HNRNPA2B1: variants seen among roughly 807,000 people sequenced by gnomAD.
HNRNPA2B1 encodes the protein heterogeneous nuclear ribonucleoproteins A2/B1.
Under a neutral mutation model 46.3 loss-of-function variants are expected in HNRNPA2B1, and 3 were observed. The observed-to-expected ratio is 0.06, with a 90% CI of 0.03 to 0.17. The LOEUF is 0.17. Among genes scored for constraint, HNRNPA2B1 ranks in the 10% least tolerant of loss-of-function variants. HNRNPA2B1 has a pLI of 1.00. For synonymous variants in HNRNPA2B1, 225 were observed against 133.8 expected (o/e 1.68, Z -4.70); for missense variants, 221 against 418.9 (o/e 0.53, Z 4.12).
Position 26,190,949 on chromosome 7 carries a change from GA to G in HNRNPA2B1, c.*1410del, listed in dbSNP as rs1249239209. 6.6e-6 allele frequency: 1 copy of G among 152,560 alleles called. No homozygotes were observed. The highest frequency in any genetic ancestry group is 2.4e-5 in the African/African-American group (1 of 41,424). 9.5% of individuals were successfully genotyped at this position (152,560 alleles called of 1,614,324 possible). A position where few individuals can be genotyped will look rare whatever the true frequency, so the allele number is the denominator to read the frequency against. On this transcript the variant is annotated 3_prime_UTR_variant, in exon 11 of 11. Coordinates refer to ENST00000618183, the MANE Select transcript of HNRNPA2B1 (RefSeq NM_002137.4). ...TGAATACACAAGGGTGTAACGATGG[GA>G]AATCTCATGATTTATTGAACTTGCA...
intron 9 of HNRNPA2B1, 24 bp from the exon 10 acceptor site, chr7:26,192,601 GAA>G (rs777702628): frequency 8.6e-5 from 137 of 1,597,910 alleles, no homozygotes; most frequent in Admixed American, 5.2e-4. Context: ...AACAGCAAGA[GAA>G]AACAAACTTA....
Position 26,200,665 on chromosome 7 carries a change from G to T in HNRNPA2B1, c.-88C>A. The T allele has an allele frequency of 5.8e-6, 9 of 1,545,124 alleles. No homozygotes were observed. The highest frequency in any genetic ancestry group is 8.0e-6 in the Non-Finnish European group (9 of 1,120,504). ...GACGAACACGAACCGGACTCGTCCTGGCGCTGTAGTGAGAACTGCCGCTGC... is the reference window on the plus strand; with the variant it reads ...GACGAACACGAACCGGACTCGTCCTTGCGCTGTAGTGAGAACTGCCGCTGC... On this transcript the variant is annotated 5_prime_UTR_variant, in exon 1 of 11. Coordinates refer to ENST00000618183, the MANE Select transcript of HNRNPA2B1 (RefSeq NM_002137.4).
rs1562701949 is a variant in HNRNPA2B1, at chr7:26,193,643, C to A, written c.773G>T (p.Gly258Val). 6.2e-7 allele frequency: 1 copy of A among 1,612,826 alleles called. No homozygotes were observed. The highest frequency in any genetic ancestry group is 1.3e-5 in the African/African-American group (1 of 74,848). The change falls in exon 8 of 11, where the codon GGT becomes GTT. Residue 258 changes from glycine to valine, a missense_variant. Physicochemically the swap from Gly to Val is moderately radical, Grantham distance 109. This residue lies in a region of HNRNPA2B1 where 143 missense variants were observed against 200.5 expected (regional missense o/e 0.71). Transcript: ENST00000618183. ...GTTGCCATATCCAGGTCCTCCACCA[C>A]CATATCCTCCTCTTCCTCCTCCATA... Reference protein sequence around the residue: ...PGYGGGRGGYGGGGPGYGNQG... With the variant: ...PGYGGGRGGYVGGGPGYGNQG...
chr7:26,200,486 C>T, intron 1 of HNRNPA2B1, 86 bp downstream of exon 1: 1 of 1,372,936 alleles, frequency 7.3e-7, no homozygotes. Context: ...GCCTCTCTCC[C>T]ACGGAGGCGG....
intron 7 of HNRNPA2B1, among the ~76,000 whole-genome samples, chr7:26,194,387 C>A (rs1405076999): frequency 1.3e-5 from 2 of 151,868 alleles, no homozygotes; most frequent in African/African-American, 4.8e-5. Flanking sequence ...CAGAGAGAGA[C>A]TCCCTCTCAA....
chr7:26,198,188 A>G lies in HNRNPA2B1; in HGVS notation c.7-456T>C, dbSNP rs561550234. 1.6e-3 allele frequency: 353 copies of G among 222,704 alleles called. 4 individuals are homozygous for G. The highest frequency in any genetic ancestry group is 1.5e-3 in the Non-Finnish European group (178 of 115,906). The allele number at this position is 222,704 out of a possible 1,614,324, so 13.8% of individuals were successfully genotyped here. On this transcript the variant is annotated intron_variant, in intron 1 of 10. Coordinates refer to ENST00000618183, the MANE Select transcript of HNRNPA2B1 (RefSeq NM_002137.4). ...ACTCTTGGTTCATTACTTATGACCCAAAGTTTTTATTTCACTATTCAATAT... is the reference window on the plus strand; with the variant it reads ...ACTCTTGGTTCATTACTTATGACCCGAAGTTTTTATTTCACTATTCAATAT...
intron 1 of HNRNPA2B1, chr7:26,198,814 CAATT>C (rs1783988149): frequency 1.3e-5 from 2 of 152,196 alleles, no homozygotes; most frequent in Non-Finnish European, 1.5e-5. Flanking sequence ...AATTTTCAAT[CAATT>C]ATTTTTTGTT....
intron 8 of HNRNPA2B1, 41 bp from the exon 9 acceptor site, chr7:26,193,414 A>G: frequency 6.3e-7 from 1 of 1,587,334 alleles, no homozygotes. Flanking sequence ...ACAAACATTA[A>G]ACCAAGGACT....
intron 3 of HNRNPA2B1, 44 bp from the exon 4 acceptor site, chr7:26,197,061 A>G (rs771489076): frequency 1.3e-6 from 2 of 1,486,308 alleles, no homozygotes; most frequent in South Asian, 2.3e-5. Flanking sequence ...AGAAAAAAAC[A>G]CAAGCATAAT....
chr7:26,191,021 C>T lies in HNRNPA2B1; in HGVS notation c.*1339G>A, dbSNP rs1205032104. 6.6e-6 allele frequency: 1 copy of T among 152,532 alleles called. No individual in the cohort carries two copies. The highest frequency in any genetic ancestry group is 1.5e-5 in the Non-Finnish European group (1 of 68,002). 9.4% of individuals were successfully genotyped at this position (152,532 alleles called of 1,614,324 possible). A position where few individuals can be genotyped will look rare whatever the true frequency, so the allele number is the denominator to read the frequency against. ...TTTACTACCAACACCACTGAAGGAA[C>T]CAAGAAAAGCTTTATTAATGATCAC... On this transcript the variant is annotated 3_prime_UTR_variant, in exon 11 of 11. Coordinates refer to ENST00000618183, the MANE Select transcript of HNRNPA2B1 (RefSeq NM_002137.4).
intron 9 of HNRNPA2B1, 107 bp from the exon 10 acceptor site, chr7:26,192,684 G>T: frequency 2.2e-6 from 2 of 922,274 alleles, no homozygotes; most frequent in South Asian, 1.4e-5. Context: ...TTTTAAACAA[G>T]CAGATCCTAA....
chr7:26,195,385 T>C (rs1783446068), intron 7 of HNRNPA2B1, among the ~76,000 whole-genome samples: 1 of 152,224 alleles, frequency 6.6e-6, no homozygotes, highest in Non-Finnish European at 1.5e-5. Context: ...TTCACAACCT[T>C]ATCTGCAGCC....
rs891966008 is a variant in HNRNPA2B1 at position 26,196,532 on chromosome 7, A to G, written c.577+25T>C. On this transcript the variant is annotated intron_variant, in intron 5 of 10. Transcript: ENST00000618183. The stretch of plus-strand genomic sequence containing the variant: ...CAAGCCCTTATATATGAACAAAAAT[A>G]AAGAAGAAACAGAATTAAAATTACC... 3.1e-6 allele frequency: 5 copies of G among 1,612,206 alleles called. No individual in the cohort carries two copies. The African/African-American group carries it at 4.0e-5, about 13-fold the overall frequency.
At chr7:26,198,953 A>G (rs776399226) in intron 1 of HNRNPA2B1, 6 of 152,212 alleles carry the variant, frequency 3.9e-5, no homozygotes, top group Non-Finnish European at 8.8e-5. Context: ...TGTAGTTTTC[A>G]TGACTCGTAA....
chr7:26,196,900 T>C lies in HNRNPA2B1; in HGVS notation c.382A>G (p.Thr128Ala). 6.2e-7 allele frequency: 1 copy of C among 1,613,778 alleles called. No individual in the cohort carries two copies. Among genetic ancestry groups the C allele is most frequent in the Admixed American group, 1.7e-5 (1 of 60,032 alleles). ...TGCCTATCAGTAATTATCTCAATGG[T>C]ATCAATTTTTCCATATTCCTCAAAG... ...DYFEEYGKIDTIEIITDRQSG... is the reference protein window; with the variant it reads ...DYFEEYGKIDAIEIITDRQSG... The change falls in exon 4 of 11, where the codon ACC becomes GCC. Residue 128 changes from threonine to alanine, a missense_variant. Thr to Ala is a moderately conservative substitution (Grantham distance 58). This residue lies in a region of HNRNPA2B1 where 78 missense variants were observed against 218.5 expected (regional missense o/e 0.36). Coordinates refer to ENST00000618183, the MANE Select transcript of HNRNPA2B1 (RefSeq NM_002137.4).
At chr7:26,200,363 G>C (rs907590309) in intron 1 of HNRNPA2B1, 6 of 631,882 alleles carry the variant, frequency 9.5e-6, no homozygotes, top group African/African-American at 3.6e-5. Flanking sequence ...CCAGTGAAGG[G>C]AAATGGCGCC....
Position 26,197,321 on chromosome 7 carries a change from T to C in HNRNPA2B1, c.258A>G (p.Ala86=). The change falls in exon 3 of 11, where the codon GCA becomes GCG. Residue 86 remains alanine (A), a synonymous_variant. Coordinates refer to ENST00000618183, the MANE Select transcript of HNRNPA2B1 (RefSeq NM_002137.4). ...ACAGTCATTGTTTGCTTACCTCTCTTGCTACAGCACGTTTTGGCTCAACTA... is the reference window on the plus strand; with the variant it reads ...ACAGTCATTGTTTGCTTACCTCTCTCGCTACAGCACGTTTTGGCTCAACTA... ...GRVVEPKRAV[A]REESGKPGAH... 1 of 1,610,210 alleles carries C rather than the reference T, an allele frequency of 6.2e-7. No individual in the cohort carries two copies. Among genetic ancestry groups the C allele is most frequent in the Non-Finnish European group, 8.5e-7 (1 of 1,177,720 alleles).
At chr7:26,197,933 C>CTGATACGGCG in intron 1 of HNRNPA2B1, 4 of 1,131,118 alleles carry the variant, frequency 3.5e-6, no homozygotes, top group Non-Finnish European at 3.6e-6. Context: ...AGTTGTGTTA[C>CTGATACGGCG]ACCAAAAAAT....
intron 8 of HNRNPA2B1, 63 bp from the exon 9 acceptor site, chr7:26,193,436 TC>T: frequency 1.3e-6 from 2 of 1,552,616 alleles, no homozygotes; most frequent in Non-Finnish European, 1.7e-6. Flanking sequence ...AGGACAAAGC[TC>T]CCATAAAAAC....
Sources: allele counts gnomAD v4.1 joint callset (sites outside exome capture counted in the v4.1 genomes callset), GRCh38; gene constraint gnomAD v4.1.1; regional missense constraint gnomAD v4.1.1; transcripts MANE v1.5; gene names NCBI Gene and HGNC (gene_info 2026-07-23, HGNC 2026-07-21).